The following EYS variants were observed in gnomAD, a reference collection of about 807,000 sequenced individuals.
The protein encoded by EYS is EGF-like photoreceptor maintenance factor.
A neutral mutation model predicts 282.1 loss-of-function variants in EYS; 250 were observed. That is an observed-to-expected ratio of 0.89 (90% confidence interval 0.80 to 0.98). The LOEUF is 0.98. Ranked by LOEUF, EYS falls within the 50% of genes least tolerant of loss-of-function variation. EYS has a pLI of 0.00. For synonymous variants in EYS, 1,355 were observed against 1,282.9 expected, an observed-to-expected ratio of 1.06 and a Z score of -1.20; for missense variants, 4,016 against 3,709.0, an observed-to-expected ratio of 1.08 and a Z score of -2.15.
chr6:64,328,486 A>G (rs1051204092), intron 29 of EYS, among the ~76,000 whole-genome samples: 7 of 152,186 alleles, frequency 4.6e-5, no homozygotes, highest in Non-Finnish European at 8.8e-5. Context: ...AAGCCAGATG[A>G]AAGTCCCAGT....
intron 12 of EYS, among the ~76,000 whole-genome samples, chr6:65,064,104 A>ATACT (rs1773659012): frequency 6.8e-6 from 1 of 146,314 alleles, no homozygotes; most frequent in Non-Finnish European, 1.5e-5. Context: ...ACATACTAAT[A>ATACT]TACTATATAT....
intron 1 of EYS, among the ~76,000 whole-genome samples, chr6:65,657,838 G>C (rs539689386): frequency 6.2e-4 from 94 of 151,858 alleles, no homozygotes; most frequent in Non-Finnish European, 1.0e-3. Flanking sequence ...ATGAAAGGAA[G>C]TTAATTGATG....
At chr6:65,160,088 T>A (rs967981611) in intron 12 of EYS, among the ~76,000 whole-genome samples, 5 of 151,036 alleles carry the variant, frequency 3.3e-5, no homozygotes, top group African/African-American at 1.2e-4. Context: ...TTGCTCTATA[T>A]GTTTTTAAAA....
In EYS at chr6:65,650,546, G is replaced by A. The variant is rs140032485; in HGVS notation, c.-447-10654C>T. Among the ~76,000 whole-genome samples, 350 of 152,240 alleles carry A rather than the reference G, an allele frequency of 2.3e-3. 3 individuals carry two copies. The highest frequency in any genetic ancestry group is 7.9e-3 in the African/African-American group (328 of 41,550). ...TCAGAATACTTTGTGTGGCTTTACT[G>A]TCATTTATGTTAAAGGTAAACAGGA... On this transcript the variant is annotated intron_variant, in intron 1 of 42. Transcript: ENST00000503581.
intron 29 of EYS, among the ~76,000 whole-genome samples, chr6:64,378,213 G>T (rs1301701579): frequency 6.6e-6 from 1 of 152,142 alleles, no homozygotes; most frequent in Non-Finnish European, 1.5e-5. Flanking sequence ...ATGGAAGTAT[G>T]AAAATAATTT....
At chr6:64,346,835 A>G (rs1204008255) in intron 29 of EYS, among the ~76,000 whole-genome samples, 2 of 151,524 alleles carry the variant, frequency 1.3e-5, no homozygotes, top group South Asian at 2.1e-4. Context: ...TAATATTGTC[A>G]TTGGCATATT....
At chr6:65,352,542 CA>C (rs1382826208) in intron 9 of EYS, among the ~76,000 whole-genome samples, 1 of 151,836 alleles carries the variant, frequency 6.6e-6, no homozygotes, top group Non-Finnish European at 1.5e-5. Context: ...TATGGGAACA[CA>C]AGTGCTGGAA....
Position 64,588,198 on chromosome 6 carries a change from T to A in EYS, c.5644+2025A>T, listed in dbSNP as rs1766294055. Among the ~76,000 whole-genome samples, 2 of 152,028 alleles carry A rather than the reference T, an allele frequency of 1.3e-5. 1 individual carries two copies. The highest frequency in any genetic ancestry group is 4.1e-4 in the South Asian group (2 of 4,830). ...GAAGCCAATTCAAAATTAACTAGGATTGCCTAGAAGAATTAAGAGCCTAGG... is the reference window on the plus strand; with the variant it reads ...GAAGCCAATTCAAAATTAACTAGGAATGCCTAGAAGAATTAAGAGCCTAGG... On this transcript the variant is annotated intron_variant, in intron 26 of 42. Transcript: ENST00000503581.
chr6:65,253,853 T>C (rs1221978950), intron 12 of EYS, among the ~76,000 whole-genome samples: 1 of 151,782 alleles, frequency 6.6e-6, no homozygotes, highest in Non-Finnish European at 1.5e-5. Flanking sequence ...TTAGTCAAAC[T>C]CTAATATCCT....
At position 64,372,441 on chromosome 6, in the gene EYS, C is replaced by A. The variant is rs190099531; in HGVS notation, c.6078+16249G>T. On this transcript the variant is annotated intron_variant, in intron 29 of 42. Transcript: ENST00000503581. ...CTGACAGGGTATCCTCTGTGGGTAA[C>A]CTGCCCCTACTTTCTAGCTGCCTTT... Among the ~76,000 whole-genome samples the A allele has an allele frequency of 2.0e-3, 306 of 152,068 alleles. 1 individual carries two copies. The highest frequency in any genetic ancestry group is 7.0e-3 in the African/African-American group (290 of 41,490).
At chr6:65,030,645 A>G (rs1017873331) in intron 13 of EYS, among the ~76,000 whole-genome samples, 18 of 152,308 alleles carry the variant, frequency 1.2e-4, no homozygotes, top group African/African-American at 4.3e-4. Flanking sequence ...TGGACAGGGC[A>G]TACCTTGATT....
At chr6:64,387,687 A>G (rs532767611) in intron 29 of EYS, among the ~76,000 whole-genome samples, 3 of 152,144 alleles carry the variant, frequency 2.0e-5, no homozygotes, top group Non-Finnish European at 4.4e-5. Context: ...AAGTCAATGA[A>G]GCACATTAAT....
chr6:65,502,852 G>A (rs554788124), intron 2 of EYS, among the ~76,000 whole-genome samples: 10 of 151,664 alleles, frequency 6.6e-5, no homozygotes, highest in Non-Finnish European at 1.3e-4. Context: ...TCTTTAAGAA[G>A]TGAAGCAGTA....
chr6:64,346,198 C>CT (rs1344025438), intron 29 of EYS, among the ~76,000 whole-genome samples: 1 of 152,102 alleles, frequency 6.6e-6, no homozygotes, highest in Non-Finnish European at 1.5e-5. Context: ...CATCCCATTA[C>CT]TGGGTATCTA....
chr6:65,252,101 G>A (rs191576137), intron 12 of EYS, among the ~76,000 whole-genome samples: 3 of 151,886 alleles, frequency 2.0e-5, no homozygotes, highest in African/African-American at 7.2e-5. Flanking sequence ...GCATCAGATG[G>A]GGATGCAGTC....
chr6:64,790,141 A>G (rs1774146444), intron 22 of EYS, among the ~76,000 whole-genome samples: 1 of 151,992 alleles, frequency 6.6e-6, no homozygotes. Flanking sequence ...TGCTTTTGTA[A>G]GTAAAAACAA....
chr6:64,474,619 T>C (rs1162501031), intron 26 of EYS, among the ~76,000 whole-genome samples: 4 of 152,200 alleles, frequency 2.6e-5, no homozygotes, highest in African/African-American at 9.7e-5. Flanking sequence ...GAATTACTAG[T>C]TCATCAGAAT....
chr6:63,776,307 C>A (rs1437829135), intron 40 of EYS, among the ~76,000 whole-genome samples: 1 of 152,128 alleles, frequency 6.6e-6, no homozygotes, highest in African/African-American at 2.4e-5. Context: ...ACTCTTGTTA[C>A]CTCATTAAAA....
At chr6:64,853,460 A>G (rs1291938252) in intron 19 of EYS, among the ~76,000 whole-genome samples, 1 of 152,156 alleles carries the variant, frequency 6.6e-6, no homozygotes, top group Non-Finnish European at 1.5e-5. Flanking sequence ...AGCTTCTGTT[A>G]TACTTTTTTT....
Sources: allele counts gnomAD v4.1 joint callset (sites outside exome capture counted in the v4.1 genomes callset), GRCh38; gene constraint gnomAD v4.1.1; transcripts MANE v1.5; gene names NCBI Gene and HGNC (gene_info 2026-07-23, HGNC 2026-07-21).